The following SUGCT variants were observed in gnomAD, a reference collection of about 807,000 sequenced individuals.
SUGCT encodes the protein succinyl-CoA:glutarate CoA-transferase.
Under a neutral mutation model 55.0 loss-of-function variants are expected in SUGCT, and 41 were observed. The ratio of observed to expected loss-of-function variants is 0.74; its 90% confidence interval spans 0.58 to 0.97. SUGCT has a LOEUF of 0.97. Ranked by LOEUF, SUGCT falls within the 50% of genes least tolerant of loss-of-function variation. The pLI, the probability that SUGCT is intolerant of heterozygous loss-of-function variation, is 0.00. For synonymous variants in SUGCT, 187 were observed against 200.4 expected (o/e 0.93, Z 0.56); for missense variants, 568 against 547.8 (o/e 1.04, Z -0.37).
intron 13 of SUGCT, among the ~76,000 whole-genome samples, chr7:40,795,117 T>A (rs17688285): frequency 6.6e-6 from 1 of 151,864 alleles, no homozygotes; most frequent in Non-Finnish European, 1.5e-5. Context: ...CCTTCTTGAA[T>A]AAATTGCATG....
the SUGCT span, among the ~76,000 whole-genome samples, chr7:40,987,131 A>G: frequency 9.6e-4 from 146 of 152,300 alleles, no homozygotes; most frequent in African/African-American, 3.4e-3. Context: ...AGAGGAGTAC[A>G]TAACCCAGTA....
intron 11 of SUGCT, among the ~76,000 whole-genome samples, chr7:40,462,390 G>A (rs945516819): frequency 2.6e-5 from 4 of 152,198 alleles, no homozygotes; most frequent in African/African-American, 9.7e-5. Flanking sequence ...GGCAGATCAA[G>A]TCGTGAACTC....
chr7:40,442,382 A>T (rs1320456012), intron 9 of SUGCT, among the ~76,000 whole-genome samples: 1 of 152,158 alleles, frequency 6.6e-6, no homozygotes, highest in East Asian at 1.9e-4. Context: ...TATTTCTCTC[A>T]AAAGTAGTTT....
intron 12 of SUGCT, among the ~76,000 whole-genome samples, chr7:40,601,752 TCTC>T (rs1287083021): frequency 2.0e-5 from 3 of 151,904 alleles, no homozygotes; most frequent in Non-Finnish European, 4.4e-5. Flanking sequence ...TTTTTTTTTT[TCTC>T]ATCAGCTATC....
At chr7:40,758,710 A>C (rs1432468253) in intron 13 of SUGCT, among the ~76,000 whole-genome samples, 1 of 152,110 alleles carries the variant, frequency 6.6e-6, no homozygotes. Context: ...TGGCATTAAC[A>C]GTCAGCATGT....
chr7:40,517,243 T>C (rs1183225646), intron 12 of SUGCT, among the ~76,000 whole-genome samples: 2 of 151,400 alleles, frequency 1.3e-5, no homozygotes, highest in Non-Finnish European at 3.0e-5. Flanking sequence ...TTTTTTTCGA[T>C]GTGAATTCCT....
chr7:40,345,566 A>C (rs564809709), intron 9 of SUGCT, among the ~76,000 whole-genome samples: 3 of 152,188 alleles, frequency 2.0e-5, no homozygotes, highest in Admixed American at 2.0e-4. Context: ...ACATTATTCC[A>C]TTCATTCAGT....
At chr7:41,022,864 A>G in the SUGCT span, among the ~76,000 whole-genome samples, 1 of 152,238 alleles carries the variant, frequency 6.6e-6, no homozygotes, top group Non-Finnish European at 1.5e-5. Context: ...TAATATCAGT[A>G]TTTGTCATAA....
At chr7:40,844,601 G>A (rs934458737) in intron 13 of SUGCT, among the ~76,000 whole-genome samples, 1 of 152,178 alleles carries the variant, frequency 6.6e-6, no homozygotes, top group Admixed American at 6.5e-5. Context: ...TACAGGGTTG[G>A]GGGCAGGGTG....
At chr7:40,660,746 AC>A (rs1431823785) in intron 12 of SUGCT, among the ~76,000 whole-genome samples, 1 of 152,180 alleles carries the variant, frequency 6.6e-6, no homozygotes, top group Non-Finnish European at 1.5e-5. Context: ...TTTGATAAAA[AC>A]AACCCAGTCT....
At chr7:40,200,475 A>G (rs1786530398) in intron 6 of SUGCT, among the ~76,000 whole-genome samples, 1 of 152,118 alleles carries the variant, frequency 6.6e-6, no homozygotes, top group Admixed American at 6.6e-5. Context: ...AAGGATGACA[A>G]GGAGCCAGCC....
At chr7:40,173,658 T>A (rs771027475) in intron 1 of SUGCT, among the ~76,000 whole-genome samples, 42 of 152,116 alleles carry the variant, frequency 2.8e-4, no homozygotes, top group Admixed American at 3.9e-4. Flanking sequence ...TGGTTGGATG[T>A]GAGTTGAGTT....
At chr7:40,299,899 G>A (rs1794429700) in intron 8 of SUGCT, among the ~76,000 whole-genome samples, 1 of 151,926 alleles carries the variant, frequency 6.6e-6, no homozygotes, top group African/African-American at 2.4e-5. Context: ...ATTGGTATAA[G>A]GTAAAAATTA....
At chr7:40,514,976 C>T (rs762180651) in intron 12 of SUGCT, among the ~76,000 whole-genome samples, 2 of 152,076 alleles carry the variant, frequency 1.3e-5, no homozygotes, top group African/African-American at 2.4e-5. Context: ...AGAGAGGTCT[C>T]GTGGACTTCT....
At chr7:40,899,394 C>T in the SUGCT span, among the ~76,000 whole-genome samples, 10 of 152,306 alleles carry the variant, frequency 6.6e-5, no homozygotes, top group East Asian at 1.9e-4. Flanking sequence ...CGTGATGGAA[C>T]GCAGGCTGCG....
intron 9 of SUGCT, among the ~76,000 whole-genome samples, chr7:40,368,073 A>T (rs73136917): frequency 6.6e-6 from 1 of 152,286 alleles, no homozygotes; most frequent in Non-Finnish European, 1.5e-5. Flanking sequence ...AAGCCTACTT[A>T]TCCTCCAGAT....
chr7:40,288,984 C>T (rs1368773444), intron 8 of SUGCT, among the ~76,000 whole-genome samples: 1 of 152,096 alleles, frequency 6.6e-6, no homozygotes, highest in African/African-American at 2.4e-5. Context: ...TTCTTCCTTC[C>T]CCACTCATGT....
chr7:40,343,051 A>G (rs961174408), intron 9 of SUGCT, among the ~76,000 whole-genome samples: 2 of 152,192 alleles, frequency 1.3e-5, no homozygotes, highest in Non-Finnish European at 2.9e-5. Context: ...TATGTGAAGT[A>G]ATGACTGTTG....
At chr7:40,577,926 A>G (rs979653727) in intron 12 of SUGCT, among the ~76,000 whole-genome samples, 1 of 152,224 alleles carries the variant, frequency 6.6e-6, no homozygotes, top group African/African-American at 2.4e-5. Context: ...CATAAAATCA[A>G]GACTTTAATA....
Sources: allele counts gnomAD v4.1 joint callset (sites outside exome capture counted in the v4.1 genomes callset), GRCh38; gene constraint gnomAD v4.1.1; transcripts MANE v1.5; gene names NCBI Gene and HGNC (gene_info 2026-07-23, HGNC 2026-07-21).